TRPV4: variants seen among roughly 807,000 people sequenced by gnomAD.
TRPV4 encodes transient receptor potential cation channel subfamily V member 4.
Under a neutral mutation model 84.1 loss-of-function variants are expected in TRPV4, and 58 were observed. That is an observed-to-expected ratio of 0.69 (90% CI 0.56 to 0.86). The LOEUF (loss-of-function observed/expected upper bound fraction) is 0.86, where lower values mean the gene tolerates loss of function less well. Ranked by LOEUF, TRPV4 falls within the 40% of genes least tolerant of loss-of-function variation. The pLI is 0.00. For missense variants in TRPV4, 879 were observed against 1,181.1 expected, an observed-to-expected ratio of 0.74 and a Z score of 3.75; for synonymous variants, 489 against 500.9, an observed-to-expected ratio of 0.98 and a Z score of 0.32.
At position 109,793,148 on chromosome 12, in the gene TRPV4, T is replaced by C. The variant is rs1454514181; in HGVS notation, c.1659-331A>G. Among the ~76,000 whole-genome samples, 2 of 152,092 alleles carry C rather than the reference T, an allele frequency of 1.3e-5. No individual in the cohort carries two copies. Among genetic ancestry groups the C allele is most frequent in the African/African-American group, 4.8e-5 (2 of 41,386 alleles). ...AACTCTAAGGGAAATGTGAAAGAGGTAACACACACTCAGTAACTCTCTCAT... is the reference window on the plus strand; with the variant it reads ...AACTCTAAGGGAAATGTGAAAGAGGCAACACACACTCAGTAACTCTCTCAT... On this transcript the variant is annotated intron_variant, in intron 10 of 15. Transcript: ENST00000261740. The surrounding 1 kb of genome is among the most constrained non-coding windows in gnomAD (Gnocchi z 4.0).
In TRPV4 at chr12:109,796,768, C is replaced by G; in HGVS notation, c.1153-64G>C. The G allele has an allele frequency of 8.4e-6, 13 of 1,540,118 alleles. No individual in the cohort carries two copies. Among genetic ancestry groups the G allele is most frequent in the Non-Finnish European group, 1.1e-5 (12 of 1,140,290 alleles). On this transcript the variant is annotated intron_variant, in intron 6 of 15. Transcript: ENST00000261740. The surrounding 1 kb of genome is among the most constrained non-coding windows in gnomAD (Gnocchi z 4.2). The stretch of plus-strand genomic sequence containing the variant: ...GAAAGACCCCCAGGGCTGGGCCCAG[C>G]TCAGCACATGACGCCTCCCCAGAAA...
rs867180734 is a variant in TRPV4, at chr12:109,831,712, G to A, written c.-32+1638C>T. On this transcript the variant is annotated intron_variant, in intron 1 of 15. Coordinates refer to ENST00000261740, the MANE Select transcript of TRPV4 (RefSeq NM_021625.5). ...CTGGGGAATCCCAGCCATCCTCACC[G>A]GAGCTCATGTGAAACATCCCTCCTG... 6.6e-5 allele frequency among the ~76,000 whole-genome samples: 10 copies of A among 152,290 alleles called. No individual in the cohort carries two copies. In the East Asian group the frequency reaches 1.2e-3, roughly 18 times the overall value.
chr12:109,806,865 AAAAAAAAG>A (rs1352250955), intron 3 of TRPV4, among the ~76,000 whole-genome samples: 18 of 125,594 alleles, frequency 1.4e-4, no homozygotes, highest in African/African-American at 5.3e-4. Flanking sequence ...TATCTCAAAA[AAAAAAAAG>A]AAAAAAAAAA....
intron 2 of TRPV4, among the ~76,000 whole-genome samples, chr12:109,812,736 T>C (rs962612361): frequency 1.3e-5 from 2 of 152,054 alleles, no homozygotes; most frequent in African/African-American, 4.8e-5. Context: ...GATGAATAGT[T>C]TGATAGCTGA....
chr12:109,786,814 A>T lies in TRPV4; in HGVS notation c.2232T>A (p.Ile744=). The change falls in exon 14 of 16, where the codon ATT becomes ATA. Residue 744 remains isoleucine, a synonymous_variant. Transcript: ENST00000261740. The surrounding 1 kb of genome is among the most constrained non-coding windows in gnomAD (Gnocchi z 4.5). ...TCAGGAATACGGGGAAGGAGCGCTCAATGTCCAGGATGGTGGTGGCCCACT... is the reference window on the plus strand; with the variant it reads ...TCAGGAATACGGGGAAGGAGCGCTCTATGTCCAGGATGGTGGTGGCCCACT... ...KLQWATTILD[I]ERSFPVFLRK... 1 of 1,614,020 alleles carries T rather than the reference A, an allele frequency of 6.2e-7. No individual in the cohort carries two copies. Among genetic ancestry groups the T allele is most frequent in the Non-Finnish European group, 8.5e-7 (1 of 1,179,996 alleles).
chr12:109,811,674 A>G (rs1203350746), intron 2 of TRPV4, among the ~76,000 whole-genome samples: 8 of 141,744 alleles, frequency 5.6e-5, no homozygotes, highest in African/African-American at 1.6e-4. Context: ...AAAAAAAAGA[A>G]AAAGAGACAT....
At position 109,800,604 on chromosome 12, in the gene TRPV4, A is replaced by G. The variant is rs1226363562; in HGVS notation, c.853+14T>C. The stretch of plus-strand genomic sequence containing the variant: ...CTCCAGCATGCTGTCAGCCCCCACC[A>G]GGCCCCTCCTTACCAAAGTAGAAGT... On this transcript the variant is annotated intron_variant, in intron 5 of 15. Transcript: ENST00000261740. 10 of 1,613,984 alleles carry G rather than the reference A, an allele frequency of 6.2e-6. No individual in the cohort carries two copies. The highest frequency in any genetic ancestry group is 8.5e-6 in the Non-Finnish European group (10 of 1,180,014).
chr12:109,830,984 T>C (rs1892393249), intron 1 of TRPV4, among the ~76,000 whole-genome samples: 1 of 152,134 alleles, frequency 6.6e-6, no homozygotes, highest in South Asian at 2.1e-4. Flanking sequence ...GGGGCCAGCC[T>C]CTCTGTCTGA....
At chr12:109,784,860 C>CGTGT (rs58584964) in intron 14 of TRPV4, among the ~76,000 whole-genome samples, 3,476 of 123,738 alleles carry the variant, frequency 0.028, 57 homozygotes, top group African/African-American at 0.034. Context: ...AAAAAAAAGA[C>CGTGT]GTGTGTGTGT....
At position 109,796,542 on chromosome 12, in the gene TRPV4, AC is replaced by A. The variant is rs770806416; in HGVS notation, c.1314del (p.Tyr439ThrfsTer96). 5.6e-6 allele frequency: 9 copies of A among 1,613,888 alleles called. No individual in the cohort carries two copies. In the Admixed American group the frequency reaches 1.2e-4, roughly 21 times the overall value. ...GEEASVLEIL[V>X]YNSKIENRHE... ...GAGCCCACCTCAATCTTGCTGTTGT[AC>A]ACCAGGATCTCCAGCACGGAGGCCT... On this transcript the variant is annotated frameshift_variant, in exon 7 of 16. Coordinates refer to ENST00000261740, the MANE Select transcript of TRPV4 (RefSeq NM_021625.5). LOFTEE classifies it high-confidence loss of function. This position sits in a 1 kb window ranked among gnomAD's most constrained non-coding sequence, Gnocchi z 4.2.
chr12:109,798,253 C>T lies in TRPV4; in HGVS notation c.1152+361G>A, dbSNP rs142839328. 3.5e-4 allele frequency among the ~76,000 whole-genome samples: 53 copies of T among 152,268 alleles called. No individual in the cohort carries two copies. Among genetic ancestry groups the T allele is most frequent in the Non-Finnish European group, 6.9e-4 (47 of 68,022 alleles). On this transcript the variant is annotated intron_variant, in intron 6 of 15. Transcript: ENST00000261740. The surrounding 1 kb of genome is among the most constrained non-coding windows in gnomAD (Gnocchi z 5.0). ...ACCCTTCTCCAGGCCCCATGCTGCG[C>T]GGCCCAGAAAAGGGAAGGAACTGGG...
In TRPV4 at chr12:109,798,713, G is replaced by C. The variant is rs1890580285; in HGVS notation, c.1053C>G (p.Leu351=). 1.9e-6 allele frequency: 3 copies of C among 1,613,922 alleles called. No individual in the cohort carries two copies. The Admixed American group carries it at 5.0e-5, about 27-fold the overall frequency. ...TGTCGGGGAAGAGGCGGGCACACTT[G>C]AGCAGCAGCAGGTCGTACATCTTGG... The part of the protein sequence containing the change: ...FVTKMYDLLL[L]KCARLFPDSN... The change falls in exon 6 of 16, where the codon CTC becomes CTG. Residue 351 remains leucine (L), a synonymous_variant. Coordinates refer to ENST00000261740, the MANE Select transcript of TRPV4 (RefSeq NM_021625.5). The surrounding 1 kb of genome is among the most constrained non-coding windows in gnomAD (Gnocchi z 5.0).
chr12:109,809,287 A>G (rs1373509401), intron 2 of TRPV4, among the ~76,000 whole-genome samples: 1 of 137,402 alleles, frequency 7.3e-6, no homozygotes, highest in Middle Eastern at 3.9e-3. Context: ...CCATCCATCC[A>G]TCCACCTACC....
At position 109,787,117 on chromosome 12, in the gene TRPV4, A is replaced by C. The variant is rs1861810; in HGVS notation, c.2209-280T>G. 0.5 allele frequency among the ~76,000 whole-genome samples: 75,342 copies of C among 151,970 alleles called. 20,462 individuals carry two copies. Among genetic ancestry groups the C allele is most frequent in the South Asian group, 0.68 (3,252 of 4,804 alleles). The stretch of plus-strand genomic sequence containing the variant: ...AGTGAGGGAGGGGTAGAGACTGGGG[A>C]GAACAGGGAGCAAATGCCCACGTGT... On this transcript the variant is annotated intron_variant, in intron 13 of 15. Coordinates refer to ENST00000261740, the MANE Select transcript of TRPV4 (RefSeq NM_021625.5).
At chr12:109,802,270 C>T (rs1890833673) in intron 4 of TRPV4, among the ~76,000 whole-genome samples, 1 of 151,450 alleles carries the variant, frequency 6.6e-6, no homozygotes. Context: ...GCTGGGACTA[C>T]AGGTGTGCAC....
intron 1 of TRPV4, among the ~76,000 whole-genome samples, chr12:109,831,039 G>T (rs1892394396): frequency 6.6e-6 from 1 of 152,134 alleles, no homozygotes; most frequent in Non-Finnish European, 1.5e-5. Context: ...GACCTTTCTA[G>T]AACAGACAAA....
In TRPV4 at chr12:109,798,903, G is replaced by A. The variant is rs768797918; in HGVS notation, c.863C>T (p.Pro288Leu). The change falls in exon 6 of 16, where the codon CCC (proline) becomes CTC (leucine). Residue 288 changes from proline to leucine, a missense_variant. This residue lies in a region of TRPV4 where 521 missense variants were observed against 686.6 expected (regional missense o/e 0.76). Coordinates refer to ENST00000261740, the MANE Select transcript of TRPV4 (RefSeq NM_021625.5). The surrounding 1 kb of genome is among the most constrained non-coding windows in gnomAD (Gnocchi z 5.0). ...EGGYFYFGEL[P>L]LSLAACTNQP... ...GTTGGTGCAGGCAGCCAGCGACAGG[G>A]GCAGCTCCCCTGCGGGCCAGGGTGA... 2 of 1,610,650 alleles carry A rather than the reference G, an allele frequency of 1.2e-6. No homozygotes were observed. Among genetic ancestry groups the A allele is most frequent in the Non-Finnish European group, 1.7e-6 (2 of 1,177,818 alleles).
In TRPV4 at chr12:109,786,950, G is replaced by A; in HGVS notation, c.2209-113C>T. 2.1e-6 allele frequency: 3 copies of A among 1,440,458 alleles called. No individual in the cohort carries two copies. Among genetic ancestry groups the A allele is most frequent in the Non-Finnish European group, 2.9e-6 (3 of 1,042,500 alleles). The allele number at this position is 1,440,458 out of a possible 1,614,324, so 89.2% of individuals were successfully genotyped here. ...GGGTGGGCCCAGAACTAGGCATTTA[G>A]ACTCCTACTCCCCACTAGACACAGG... On this transcript the variant is annotated intron_variant, in intron 13 of 15. Coordinates refer to ENST00000261740, the MANE Select transcript of TRPV4 (RefSeq NM_021625.5). This position sits in a 1 kb window ranked among gnomAD's most constrained non-coding sequence, Gnocchi z 4.5.
chr12:109,809,589 C>T (rs1193100750), intron 2 of TRPV4, among the ~76,000 whole-genome samples: 1 of 149,688 alleles, frequency 6.7e-6, no homozygotes, highest in Admixed American at 6.7e-5. Flanking sequence ...CATCCACTCA[C>T]CCATCCATCC....
Sources: gnomAD v4.1 joint callset for allele counts (sites outside exome capture counted in the v4.1 genomes callset) on GRCh38, gnomAD v4.1.1 for gene constraint, gnomAD v4.1.1 regional missense constraint, Gnocchi (gnomAD v3.1) non-coding constraint, MANE v1.5 for transcripts, NCBI Gene and HGNC (gene_info 2026-07-23, HGNC 2026-07-21) for gene names.